BCO1: variants seen among roughly 807,000 people sequenced by gnomAD.
BCO1 encodes the protein beta,beta-carotene 15,15'-dioxygenase.
In BCO1, 54 loss-of-function variants were observed where a neutral mutation model predicts 56.3. The observed-to-expected ratio is 0.96, with a 90% confidence interval of 0.77 to 1.20. BCO1 has a LOEUF of 1.20. BCO1 is among the 50% of genes most tolerant of loss of function. The pLI is 0.00. For synonymous variants in BCO1, 318 were observed against 266.1 expected (o/e 1.20, Z -1.90); for missense variants, 801 against 690.9 (o/e 1.16, Z -1.79).
intron 2 of BCO1, among the ~76,000 whole-genome samples, chr16:81,249,335 C>A (rs1905638975): frequency 6.6e-6 from 1 of 152,000 alleles, no homozygotes; most frequent in Non-Finnish European, 1.5e-5. Context: ...CGGCTCATTG[C>A]AAACTCCACC....
intron 7 of BCO1, among the ~76,000 whole-genome samples, chr16:81,278,629 G>C (rs1474161016): frequency 6.6e-6 from 1 of 152,172 alleles, no homozygotes; most frequent in Non-Finnish European, 1.5e-5. Context: ...CAGTGCCTTG[G>C]AGACACTGCA....
intron 2 of BCO1, among the ~76,000 whole-genome samples, chr16:81,253,177 A>G (rs1204913169): frequency 2.6e-5 from 4 of 152,098 alleles, no homozygotes; most frequent in Admixed American, 2.6e-4. Context: ...CCCAGCTTCC[A>G]GTCAAGGAGA....
chr16:81,241,397 C>A (rs1367572161), intron 1 of BCO1, among the ~76,000 whole-genome samples: 1 of 152,166 alleles, frequency 6.6e-6, no homozygotes, highest in African/African-American at 2.4e-5. Flanking sequence ...TGTTTAATGA[C>A]TGCATGAAAT....
At chr16:81,282,213 T>C (rs1907922139) in intron 8 of BCO1, among the ~76,000 whole-genome samples, 1 of 152,094 alleles carries the variant, frequency 6.6e-6, no homozygotes, top group Non-Finnish European at 1.5e-5. Flanking sequence ...AACACATCTC[T>C]ACCGAAAATA....
At chr16:81,274,365 G>A (rs1477273839) in intron 7 of BCO1, among the ~76,000 whole-genome samples, 2 of 146,268 alleles carry the variant, frequency 1.4e-5, no homozygotes, top group African/African-American at 5.1e-5. Context: ...CCGGGTTCAC[G>A]CCATTCTGCT....
intron 5 of BCO1, among the ~76,000 whole-genome samples, chr16:81,265,169 T>C (rs958492479): frequency 3.3e-5 from 5 of 151,670 alleles, no homozygotes; most frequent in Non-Finnish European, 7.4e-5. Flanking sequence ...TCACTATCCA[T>C]CCACCCACCT....
rs1597363999 is a variant in BCO1, at chr16:81,268,213, G to T, written c.843+82G>T. The T allele has an allele frequency of 2.3e-6, 3 of 1,294,302 alleles. No homozygotes were observed. In the Admixed American group the frequency reaches 5.3e-5, roughly 23 times the overall value. 80.2% of individuals were successfully genotyped at this position (1,294,302 alleles called of 1,614,324 possible). The stretch of plus-strand genomic sequence containing the variant: ...GGTGTGCAGGAGGGTGAAGTTTAAG[G>T]CAAGGAAGTGGCATGGAAGAGGGAG... On this transcript the variant is annotated intron_variant, in intron 6 of 10. Coordinates refer to ENST00000258168, the MANE Select transcript of BCO1 (RefSeq NM_017429.3).
intron 8 of BCO1, among the ~76,000 whole-genome samples, chr16:81,284,932 G>A (rs914538880): frequency 2.6e-5 from 4 of 151,594 alleles, no homozygotes; most frequent in Middle Eastern, 3.2e-3. Context: ...TGCCTCCTGG[G>A]TTCAAGTGAT....
At chr16:81,254,647 C>T (rs1050299435) in intron 2 of BCO1, among the ~76,000 whole-genome samples, 5 of 152,112 alleles carry the variant, frequency 3.3e-5, no homozygotes, top group Non-Finnish European at 5.9e-5. Flanking sequence ...CTGGAATGTA[C>T]ATTCAAATCC....
At chr16:81,276,794 T>C (rs951213396) in intron 7 of BCO1, among the ~76,000 whole-genome samples, 6 of 152,066 alleles carry the variant, frequency 3.9e-5, no homozygotes, top group African/African-American at 1.4e-4. Flanking sequence ...AGGCCAGGCA[T>C]GGTGGCTCAC....
At chr16:81,240,716 TA>T (rs766252021) in intron 1 of BCO1, among the ~76,000 whole-genome samples, 4 of 150,272 alleles carry the variant, frequency 2.7e-5, no homozygotes, top group East Asian at 1.9e-4. Flanking sequence ...AATAAATAAA[TA>T]AAAAAAAACC....
intron 2 of BCO1, among the ~76,000 whole-genome samples, chr16:81,258,551 CT>C (rs1232314805): frequency 2.0e-5 from 3 of 152,312 alleles, no homozygotes; most frequent in East Asian, 1.9e-4. Flanking sequence ...CATATGCAGC[CT>C]TCTAGATTAG....
chr16:81,256,605 A>G (rs1050730342), intron 2 of BCO1, among the ~76,000 whole-genome samples: 1 of 152,186 alleles, frequency 6.6e-6, no homozygotes, highest in Non-Finnish European at 1.5e-5. Flanking sequence ...TAAAGTTCTC[A>G]GGGCTGGTGC....
Position 81,245,556 on chromosome 16 carries a change from A to G in BCO1, c.146A>G (p.His49Arg), listed in dbSNP as rs1358740191. ...ACAGTTGGGGAGTCCAGATACAACC[A>G]TTGGTTCGACGGCCTTGCCCTGCTC... ...MHTVGESRYN[H>R]WFDGLALLHS... Residue 49 changes from histidine (H) to arginine (R), a missense_variant, in exon 2 of 11, where the codon CAT (histidine) becomes CGT (arginine). His to Arg is a conservative substitution (Grantham distance 29). Transcript: ENST00000258168. 2 of 1,614,214 alleles carry G rather than the reference A, an allele frequency of 1.2e-6. No homozygotes were observed.
intron 7 of BCO1, among the ~76,000 whole-genome samples, chr16:81,271,514 A>C (rs965150598): frequency 3.3e-5 from 5 of 151,996 alleles, no homozygotes; most frequent in African/African-American, 1.2e-4. Context: ...CACCTCCAAA[A>C]CACACCCCAC....
In BCO1 at chr16:81,287,496, C is replaced by T. The variant is rs539579909; in HGVS notation, c.1414+90C>T. Reference sequence around the variant, plus strand: ...ACCATCTGGGGGCAGCTGACCCCCCCAGGTCATAAAGGGGGTGGATTGGTG... The same window carrying T: ...ACCATCTGGGGGCAGCTGACCCCCCTAGGTCATAAAGGGGGTGGATTGGTG... On this transcript the variant is annotated intron_variant, in intron 10 of 10. Transcript: ENST00000258168. 12 of 1,010,898 alleles carry T rather than the reference C, an allele frequency of 1.2e-5. No individual in the cohort carries two copies. In the South Asian group the frequency reaches 1.6e-4, roughly 13 times the overall value. 62.6% of individuals were successfully genotyped at this position (1,010,898 alleles called of 1,614,324 possible). A position where few individuals can be genotyped will look rare whatever the true frequency, so the allele number is the denominator to read the frequency against.
At chr16:81,276,775 T>A (rs1049901885) in intron 7 of BCO1, among the ~76,000 whole-genome samples, 2 of 152,086 alleles carry the variant, frequency 1.3e-5, no homozygotes, top group African/African-American at 4.8e-5. Context: ...TATTTTAAAA[T>A]TAAATTTAAG....
intron 3 of BCO1, among the ~76,000 whole-genome samples, chr16:81,260,199 G>A (rs939017022): frequency 1.3e-5 from 2 of 151,818 alleles, no homozygotes; most frequent in African/African-American, 4.8e-5. Context: ...AAGAGGACTG[G>A]TTAAATCCGT....
chr16:81,290,870 T>C lies in BCO1; in HGVS notation c.*293T>C. On this transcript the variant is annotated 3_prime_UTR_variant, in exon 11 of 11. Transcript: ENST00000258168. ...AAAGACCTTGACCATGAATCAGAGA[T>C]TGTATTCAATGACATTATCATCATT... The C allele has an allele frequency of 1.2e-5, 4 of 327,524 alleles. No homozygotes were observed. Among genetic ancestry groups the C allele is most frequent in the Non-Finnish European group, 1.7e-5 (3 of 178,124 alleles). 20.3% of individuals were successfully genotyped at this position (327,524 alleles called of 1,614,324 possible).
Sources: gnomAD v4.1 joint callset for allele counts (sites outside exome capture counted in the v4.1 genomes callset) on GRCh38, gnomAD v4.1.1 for gene constraint, MANE v1.5 for transcripts, NCBI Gene and HGNC (gene_info 2026-07-23, HGNC 2026-07-21) for gene names.